Variants in FETUB observed in about 807,000 individuals in gnomAD.
The protein encoded by FETUB is fetuin-B.
A neutral mutation model predicts 30.9 loss-of-function variants in FETUB; 28 were observed. The observed-to-expected ratio is 0.90, with a 90% CI of 0.67 to 1.24. The LOEUF is 1.24. Ranked by LOEUF, FETUB falls within the 50% of genes most tolerant of loss-of-function variation. The pLI is 0.00. For missense variants in FETUB, 469 were observed against 455.3 expected (o/e 1.03, Z -0.27); for synonymous variants, 186 against 175.9 (o/e 1.06, Z -0.45).
chr3:186,649,471 T>G (rs531779630), intron 5 of FETUB, among the ~76,000 whole-genome samples: 23 of 150,936 alleles, frequency 1.5e-4, no homozygotes, highest in South Asian at 1.1e-3. Context: ...TTGTTTTTTG[T>G]TTTTTTTTCT....
intron 3 of FETUB, 68 bp downstream of exon 3, chr3:186,642,626 C>T: frequency 1.1e-6 from 1 of 912,118 alleles, no homozygotes; most frequent in Non-Finnish European, 1.8e-6. Context: ...CAGGTCTTTG[C>T]CAAGAATGTA....
chr3:186,637,885 A>G (rs1055506757), upstream of FETUB, among the ~76,000 whole-genome samples: 6 of 152,188 alleles, frequency 3.9e-5, no homozygotes, highest in Non-Finnish European at 7.4e-5. Context: ...TTCCTTTTAC[A>G]TGGGAGGAGC....
intron 3 of FETUB, among the ~76,000 whole-genome samples, chr3:186,643,018 A>G (rs1258015607): frequency 6.6e-6 from 1 of 152,060 alleles, no homozygotes; most frequent in Non-Finnish European, 1.5e-5. Flanking sequence ...TGACCTTGGG[A>G]CACACCTATT....
At chr3:186,646,636 T>C (rs1028831921) in intron 5 of FETUB, among the ~76,000 whole-genome samples, 2 of 152,194 alleles carry the variant, frequency 1.3e-5, no homozygotes, top group African/African-American at 2.4e-5. Flanking sequence ...GTTTGTAATA[T>C]AGCATGGTGT....
intron 3 of FETUB, 89 bp downstream of exon 3, chr3:186,642,647 C>G (rs1717167655): frequency 1.3e-6 from 1 of 784,726 alleles, no homozygotes; most frequent in Non-Finnish European, 2.2e-6. Context: ...TAGGGTATCT[C>G]TCATTCTTAT....
intron 4 of FETUB, 32 bp downstream of exon 4, chr3:186,644,952 AGT>A: frequency 6.4e-7 from 1 of 1,567,488 alleles, no homozygotes; most frequent in Non-Finnish European, 8.7e-7. Context: ...CCAGTTACAC[AGT>A]GTGTCTCATA....
At chr3:186,640,375 C>T, upstream of FETUB, 1 of 1,048,950 alleles carries the variant, frequency 9.5e-7, no homozygotes, top group Non-Finnish European at 1.5e-6. Flanking sequence ...AACAAAACCG[C>T]TCAAGTCTGC....
chr3:186,640,726 C>A, intron 1 of FETUB, 41 bp downstream of exon 1: 11 of 1,533,870 alleles, frequency 7.2e-6, no homozygotes, highest in Non-Finnish European at 9.9e-6. Flanking sequence ...GGGATGTGGG[C>A]AAGCTGGAGA....
chr3:186,639,450 G>A (rs1716879489), upstream of FETUB, among the ~76,000 whole-genome samples: 2 of 152,062 alleles, frequency 1.3e-5, no homozygotes, highest in African/African-American at 4.8e-5. Context: ...GAGAGTTAGG[G>A]GGTGGTTACT....
At chr3:186,641,804 A>C (rs1717077331) in intron 2 of FETUB, 1 of 152,324 alleles carries the variant, frequency 6.6e-6, no homozygotes, top group African/African-American at 2.4e-5. Context: ...TTTAGAAGAA[A>C]ACTATTTGAT....
At chr3:186,643,954 C>T (rs1717279400) in intron 3 of FETUB, among the ~76,000 whole-genome samples, 2 of 152,134 alleles carry the variant, frequency 1.3e-5, no homozygotes, top group Non-Finnish European at 2.9e-5. Flanking sequence ...TTTTCTGGCT[C>T]ACTTGCATTT....
At chr3:186,642,415 T>C (rs1579035813) in intron 2 of FETUB, 56 bp from the exon 3 acceptor site, 3 of 940,018 alleles carry the variant, frequency 3.2e-6, no homozygotes, top group East Asian at 4.9e-5. Context: ...TTTGGAGGTA[T>C]TTTAAAAGCT....
chr3:186,638,322 TG>T (rs1456117696), upstream of FETUB, among the ~76,000 whole-genome samples: 1 of 152,170 alleles, frequency 6.6e-6, no homozygotes, highest in African/African-American at 2.4e-5. Context: ...CAAGTGTACC[TG>T]GGTTGGGCTT....
rs1308120881 is a variant in FETUB at position 186,650,174 on chromosome 3, G to T, written c.697-1044G>T. On this transcript the variant is annotated intron_variant, in intron 5 of 6. Coordinates refer to ENST00000265029, the MANE Select transcript of FETUB (RefSeq NM_014375.3). Reference sequence around the variant, plus strand: ...TAGTTTCTTTGTTGGCGGGGGTGGGGGGGGGGGGTAAATCACCAGCTGTGG... The same window carrying T: ...TAGTTTCTTTGTTGGCGGGGGTGGGTGGGGGGGGTAAATCACCAGCTGTGG... Among the ~76,000 whole-genome samples, 19 of 65,402 alleles carry T rather than the reference G, an allele frequency of 2.9e-4. 1 individual carries two copies. The highest frequency in any genetic ancestry group is 2.0e-3 in the Admixed American group (9 of 4,586). 42.9% of individuals were successfully genotyped at this position (65,402 alleles called of 152,430 possible).
intron 5 of FETUB, among the ~76,000 whole-genome samples, chr3:186,650,675 C>A (rs116606305): frequency 0.012 from 1,855 of 152,134 alleles, 39 homozygotes; most frequent in African/African-American, 0.042. Flanking sequence ...GGAAGGAAAT[C>A]AAATCACTGC....
At chr3:186,645,072 A>G (rs1053777177) in intron 4 of FETUB, 152 bp downstream of exon 4, 7 of 582,924 alleles carry the variant, frequency 1.2e-5, no homozygotes, top group African/African-American at 9.4e-5. Flanking sequence ...CCTGATGCCC[A>G]TTCTATCATG....
chr3:186,652,841 T>A lies in FETUB; in HGVS notation c.*210T>A. 2.0e-6 allele frequency: 1 copy of A among 508,640 alleles called. No homozygotes were observed. Among genetic ancestry groups the A allele is most frequent in the East Asian group, 3.1e-5 (1 of 31,752 alleles). 31.5% of individuals were successfully genotyped at this position (508,640 alleles called of 1,614,324 possible). ...GCACTCTACCCTGTACACTGCCTTG[T>A]ACCCTGAGCTGCATCACCTCCTAAA... is the stretch of plus-strand genomic sequence containing the variant. On this transcript the variant is annotated 3_prime_UTR_variant, in exon 7 of 7. Coordinates refer to ENST00000265029, the MANE Select transcript of FETUB (RefSeq NM_014375.3).
At position 186,640,546 on chromosome 3, in the gene FETUB, C is replaced by T. The variant is rs772612081; in HGVS notation, c.86C>T (p.Ser29Leu). The change falls in exon 1 of 7, where the codon TCG (serine) becomes TTG (leucine). Residue 29 changes from serine (S) to leucine (L), a missense_variant. Physicochemically the swap from Ser to Leu is moderately radical, Grantham distance 145 (BLOSUM62 -2). Coordinates refer to ENST00000265029, the MANE Select transcript of FETUB (RefSeq NM_014375.3). ...CCACCCCAGCTGGCCCTCAACCCCT[C>T]GGCTCTGCTCTCCCGGGGCTGCAAT... ...MSPPQLALNPSALLSRGCNDS... is the reference protein window; with the variant it reads ...MSPPQLALNPLALLSRGCNDS... The T allele has an allele frequency of 7.4e-6, 12 of 1,614,108 alleles. No individual in the cohort carries two copies. The highest frequency in any genetic ancestry group is 1.7e-5 in the Admixed American group (1 of 60,010).
chr3:186,641,468 C>T (rs370733778), intron 2 of FETUB: 11 of 208,810 alleles, frequency 5.3e-5, no homozygotes, highest in African/African-American at 1.8e-4. Context: ...ATATTCTGGA[C>T]GTGGGGTTAA....
Sources: gnomAD v4.1 joint callset for allele counts (sites outside exome capture counted in the v4.1 genomes callset) on GRCh38, gnomAD v4.1.1 for gene constraint, MANE v1.5 for transcripts, NCBI Gene and HGNC (gene_info 2026-07-23, HGNC 2026-07-21) for gene names.